RSPH6A: variants seen among roughly 807,000 people sequenced by gnomAD.
The protein encoded by RSPH6A is radial spoke head protein 6 homolog A.
In RSPH6A, 49 loss-of-function variants were observed where a neutral mutation model predicts 66.1. That is an observed-to-expected ratio of 0.74 (90% CI 0.59 to 0.94). The LOEUF is 0.94. Ranked by LOEUF, RSPH6A falls within the 40% of genes least tolerant of loss-of-function variation. The pLI is 0.00. For missense variants in RSPH6A, 977 were observed against 948.3 expected (o/e 1.03, Z -0.40); for synonymous variants, 419 against 402.4 (o/e 1.04, Z -0.49).
chr19:45,810,115 C>A (rs1970602936), intron 2 of RSPH6A, among the ~76,000 whole-genome samples: 2 of 152,120 alleles, frequency 1.3e-5, no homozygotes, highest in Non-Finnish European at 2.9e-5. Context: ...TCAAGACCAA[C>A]CCGGCCAACA....
chr19:45,805,090 T>TA lies in RSPH6A; in HGVS notation c.889-75_889-74insT, dbSNP rs1970526953. ...TCCCTAGCCTACCTCTTCCAGACTC[T>TA]TCTAGAGTCAAGAGAGCTAAAAGAG... On this transcript the variant is annotated intron_variant, in intron 2 of 5. Coordinates refer to ENST00000221538, the MANE Select transcript of RSPH6A (RefSeq NM_030785.4). 7 of 1,332,742 alleles carry TA rather than the reference T, an allele frequency of 5.3e-6. No individual in the cohort carries two copies. In the Admixed American group the frequency reaches 6.3e-5, roughly 12 times the overall value. 82.6% of individuals were successfully genotyped at this position (1,332,742 alleles called of 1,614,324 possible). A position where few individuals can be genotyped will look rare whatever the true frequency, so the allele number is the denominator to read the frequency against.
intron 5 of RSPH6A, among the ~76,000 whole-genome samples, chr19:45,796,645 T>C (rs1030478727): frequency 1.3e-5 from 2 of 151,946 alleles, no homozygotes; most frequent in African/African-American, 4.8e-5. Context: ...CCCAAGTAGC[T>C]GGGACTACAG....
intron 4 of RSPH6A, 96 bp from the exon 5 acceptor site, chr19:45,800,659 G>T: frequency 9.7e-7 from 1 of 1,033,110 alleles, no homozygotes; most frequent in Non-Finnish European, 1.4e-6. Context: ...AGTGAGGGAG[G>T]CCTGGAGGGG....
rs1970680949 is a variant in RSPH6A at position 45,814,782 on chromosome 19, T to C, written c.395A>G (p.Gln132Arg). The change falls in exon 1 of 6, where the codon CAG becomes CGG. Residue 132 changes from glutamine (Q) to arginine (R), a missense_variant. Coordinates refer to ENST00000221538, the MANE Select transcript of RSPH6A (RefSeq NM_030785.4). ...RLQQGQSSLF[Q>R]QLDPTFQEPP... ...CTCCTGGAAGGTGGGGTCCAGTTGC[T>C]GGAACAGGCTGCTTTGGCCCTGCTG... 6.2e-7 allele frequency: 1 copy of C among 1,613,828 alleles called. No individual in the cohort carries two copies. The highest frequency in any genetic ancestry group is 8.5e-7 in the Non-Finnish European group (1 of 1,179,836).
intron 2 of RSPH6A, among the ~76,000 whole-genome samples, chr19:45,809,003 C>CT (rs35881550): frequency 0.83 from 99,776 of 120,066 alleles, 41,763 homozygotes; most frequent in East Asian, 0.89. Flanking sequence ...TTGTTTTTTG[C>CT]TTTTTTTTTT....
intron 1 of RSPH6A, among the ~76,000 whole-genome samples, chr19:45,814,200 T>C (rs1311575153): frequency 1.3e-5 from 2 of 151,892 alleles, no homozygotes; most frequent in Admixed American, 6.6e-5. Flanking sequence ...CCAAATCACG[T>C]GTTCTGGAAT....
intron 2 of RSPH6A, among the ~76,000 whole-genome samples, chr19:45,807,975 C>T (rs1222458214): frequency 2.0e-5 from 3 of 152,292 alleles, no homozygotes; most frequent in Middle Eastern, 3.4e-3. Context: ...CTACACCTGA[C>T]GATTCTGTGT....
At position 45,812,719 on chromosome 19, in the gene RSPH6A, A is replaced by T. The variant is rs141538555; in HGVS notation, c.650+1808T>A. On this transcript the variant is annotated intron_variant, in intron 1 of 5. Coordinates refer to ENST00000221538, the MANE Select transcript of RSPH6A (RefSeq NM_030785.4). ...TTTTGTTTGTTGGTTTGTTTGAGAC[A>T]GAGTCTCGCTCTGTTGCTCAGGCTG... Among the ~76,000 whole-genome samples, 18 of 152,112 alleles carry T rather than the reference A, an allele frequency of 1.2e-4. No individual in the cohort carries two copies. In the East Asian group the frequency reaches 2.9e-3, roughly 25 times the overall value.
chr19:45,814,638 A>C lies in RSPH6A; in HGVS notation c.539T>G (p.Leu180Arg). ...CTGGGCACTGTAGTGTGGGAAGCCC[A>C]GCTCAGAGGGCAAGAACTGAAGGGC... ...DPALQFLPSE[L>R]GFPHYSAQVP... The change falls in exon 1 of 6, where the codon CTG becomes CGG. Residue 180 changes from leucine (L) to arginine (R), a missense_variant. Coordinates refer to ENST00000221538, the MANE Select transcript of RSPH6A (RefSeq NM_030785.4). 1 of 1,606,340 alleles carries C rather than the reference A, an allele frequency of 6.2e-7. No individual in the cohort carries two copies. Among genetic ancestry groups the C allele is most frequent in the Non-Finnish European group, 8.5e-7 (1 of 1,176,082 alleles).
rs201661072 is a variant in RSPH6A at position 45,796,086 on chromosome 19, A to T, written c.1937T>A (p.Ile646Asn). ...ASGKKFENIYIGWGHKYSPES... is the reference protein window; with the variant it reads ...ASGKKFENIYNGWGHKYSPES... Reference sequence around the variant, plus strand: ...GGGGCTGTACTTGTGACCCCAGCCGATGTAGATGTTCTCAAACTTTCTGGA... The same window carrying T: ...GGGGCTGTACTTGTGACCCCAGCCGTTGTAGATGTTCTCAAACTTTCTGGA... The change falls in exon 6 of 6, where the codon ATC (isoleucine) becomes AAC (asparagine). Residue 646 changes from isoleucine (I) to asparagine (N), a missense_variant. Transcript: ENST00000221538. 6.3e-7 allele frequency: 1 copy of T among 1,575,954 alleles called. No homozygotes were observed. The highest frequency in any genetic ancestry group is 2.3e-5 in the East Asian group (1 of 43,938).
At position 45,815,167 on chromosome 19, in the gene RSPH6A, G is replaced by A; in HGVS notation, c.10C>T (p.Leu4=). The A allele has an allele frequency of 1.2e-6, 2 of 1,601,352 alleles. No individual in the cohort carries two copies. The highest frequency in any genetic ancestry group is 1.3e-5 in the African/African-American group (1 of 74,836). Residue 4 remains leucine (L), a synonymous_variant, in exon 1 of 6, where the codon CTG becomes TTG. Transcript: ENST00000221538. MGD[L]PPYPERPAQQ... is the part of the protein sequence containing the mutation. ...GCAGGGCGCTCAGGGTAGGGCGGCA[G>A]GTCTCCCATGGTTCGCCAGGAGGCA...
chr19:45,804,537 C>A lies in RSPH6A; in HGVS notation c.1368G>T (p.Lys456Asn), dbSNP rs771952343. The change falls in exon 3 of 6, where the codon AAG (lysine) becomes AAT (asparagine). Residue 456 changes from lysine (K) to asparagine (N), a missense_variant. Coordinates refer to ENST00000221538, the MANE Select transcript of RSPH6A (RefSeq NM_030785.4). The surrounding 1 kb of genome is among the most constrained non-coding windows in gnomAD (Gnocchi z 5.8). Reference protein sequence around the residue: ...PAQIVNARKIKKFFTGYLDTP... With the variant: ...PAQIVNARKINKFFTGYLDTP... ...TGTCCAGGTAGCCTGTGAAGAACTT[C>A]TTGATCTTTCGGGCGTTCACGATCT... The A allele has an allele frequency of 1.2e-6, 2 of 1,614,216 alleles. No homozygotes were observed.
chr19:45,810,825 C>G lies in RSPH6A; in HGVS notation c.666G>C (p.Val222=). ...NCDLSLYEHL[V]NLLTKILNQR... The stretch of plus-strand genomic sequence containing the variant: ...GGTTCAGGATCTTGGTCAGCAGATT[C>G]ACCAGGTGCTCGTACCTGCCTCCCG... The change falls in exon 2 of 6, where the codon GTG becomes GTC. Residue 222 remains valine (V), a synonymous_variant. Transcript: ENST00000221538. 6.2e-7 allele frequency: 1 copy of G among 1,610,120 alleles called. No individual in the cohort carries two copies. The highest frequency in any genetic ancestry group is 8.5e-7 in the Non-Finnish European group (1 of 1,176,864).
chr19:45,812,453 C>T (rs942805134), intron 1 of RSPH6A, among the ~76,000 whole-genome samples: 6 of 151,958 alleles, frequency 3.9e-5, no homozygotes, highest in African/African-American at 1.2e-4. Flanking sequence ...TTTTGCTTTG[C>T]GGAAGCTGTT....
chr19:45,799,188 A>G (rs986106998), intron 5 of RSPH6A, among the ~76,000 whole-genome samples: 2 of 152,364 alleles, frequency 1.3e-5, no homozygotes, highest in Middle Eastern at 3.4e-3. Context: ...ACGAAATTCT[A>G]GGAAAAATCA....
intron 4 of RSPH6A, 72 bp from the exon 5 acceptor site, chr19:45,800,635 G>T: frequency 7.6e-7 from 1 of 1,309,262 alleles, no homozygotes; most frequent in Non-Finnish European, 1.1e-6. Flanking sequence ...GCACCCTGAA[G>T]GAAGGAAGGC....
At chr19:45,801,836 C>A (rs1047799788) in intron 4 of RSPH6A, among the ~76,000 whole-genome samples, 1 of 152,036 alleles carries the variant, frequency 6.6e-6, no homozygotes, top group Non-Finnish European at 1.5e-5. Flanking sequence ...CACACACACA[C>A]CCAGCTCCAG....
At position 45,804,481 on chromosome 19, in the gene RSPH6A, C is replaced by G. The variant is rs780592868; in HGVS notation, c.1424G>C (p.Gly475Ala). The change falls in exon 3 of 6, where the codon GGC becomes GCC. Residue 475 changes from glycine to alanine, a missense_variant. Transcript: ENST00000221538. The surrounding 1 kb of genome is among the most constrained non-coding windows in gnomAD (Gnocchi z 5.8). ...TPVVSYPPFP[G>A]NEANYLRAQI... is the part of the protein sequence containing the mutation. ...GGCCCGCAGGTAGTTGGCCTCGTTG[C>G]CCGGGAAGGGTGGGTAGCTGACGAC... The G allele has an allele frequency of 4.1e-5, 66 of 1,613,936 alleles. No individual in the cohort carries two copies. The highest frequency in any genetic ancestry group is 5.4e-5 in the Non-Finnish European group (64 of 1,179,958).
intron 4 of RSPH6A, 60 bp from the exon 5 acceptor site, chr19:45,800,623 C>A (rs964231835): frequency 5.5e-5 from 78 of 1,415,238 alleles, no homozygotes; most frequent in Non-Finnish European, 7.4e-5. Flanking sequence ...AGGCCCTGCA[C>A]TGCACCCTGA....
Sources: gnomAD v4.1 joint callset for allele counts (sites outside exome capture counted in the v4.1 genomes callset) on GRCh38, gnomAD v4.1.1 for gene constraint, Gnocchi (gnomAD v3.1) non-coding constraint, MANE v1.5 for transcripts, NCBI Gene and HGNC (gene_info 2026-07-23, HGNC 2026-07-21) for gene names.